Variants in RSRC1 observed in about 807,000 individuals in gnomAD.
The protein encoded by RSRC1 is arginine and serine rich coiled-coil 1.
Under a neutral mutation model 49.1 loss-of-function variants are expected in RSRC1, and 39 were observed. The observed-to-expected ratio is 0.79, with a 90% CI of 0.61 to 1.04. The LOEUF is 1.04. RSRC1 is among the 50% of genes least tolerant of loss of function. RSRC1 has a pLI of 0.00. For missense variants in RSRC1, 388 were observed against 402.4 expected (o/e 0.96, Z 0.31); for synonymous variants, 143 against 130.8 (o/e 1.09, Z -0.63).
intron 6 of RSRC1, among the ~76,000 whole-genome samples, chr3:158,441,143 G>A (rs1346621798): frequency 6.6e-6 from 1 of 152,024 alleles, no homozygotes; most frequent in African/African-American, 2.4e-5. Context: ...CAGTCTGTTG[G>A]AATGTTAACA....
At chr3:158,297,172 C>T (rs1309603728) in intron 4 of RSRC1, among the ~76,000 whole-genome samples, 1 of 151,954 alleles carries the variant, frequency 6.6e-6, no homozygotes, top group Non-Finnish European at 1.5e-5. Context: ...ATGCTTGGTA[C>T]TTACAATGGA....
intron 4 of RSRC1, among the ~76,000 whole-genome samples, chr3:158,220,316 A>G (rs1405050115): frequency 6.6e-6 from 1 of 151,568 alleles, no homozygotes; most frequent in African/African-American, 2.4e-5. Context: ...ATAGTCTGCC[A>G]ATAGTTGACT....
chr3:158,315,184 TTGAA>T (rs1319882885), intron 5 of RSRC1, among the ~76,000 whole-genome samples: 15 of 152,188 alleles, frequency 9.9e-5, no homozygotes, highest in Non-Finnish European at 1.9e-4. Flanking sequence ...TGAAGGCACT[TTGAA>T]TGGATGGTTA....
chr3:158,146,750 A>G (rs1411407441), intron 3 of RSRC1, among the ~76,000 whole-genome samples: 3 of 152,114 alleles, frequency 2.0e-5, no homozygotes, highest in African/African-American at 7.2e-5. Context: ...CTGTGAATCC[A>G]TCTGGTCCTG....
intron 1 of RSRC1, among the ~76,000 whole-genome samples, chr3:158,119,943 G>C (rs902146533): frequency 2.0e-5 from 3 of 147,152 alleles, no homozygotes; most frequent in African/African-American, 7.6e-5. Context: ...CGATTCTCCT[G>C]TCTCAGACTA....
chr3:158,452,460 T>C (rs371960859), intron 6 of RSRC1, among the ~76,000 whole-genome samples: 4 of 152,324 alleles, frequency 2.6e-5, no homozygotes. Context: ...TTTTGATGAC[T>C]AATCCAATAA....
At chr3:158,527,077 C>CTTTTTTTTTTTTTTTTT (rs543523088) in intron 7 of RSRC1, among the ~76,000 whole-genome samples, 1 of 110,180 alleles carries the variant, frequency 9.1e-6, no homozygotes, top group Non-Finnish European at 1.8e-5. Flanking sequence ...AGTTCAAAAT[C>CTTTTTTTTTTTTTTTTT]TTTTTTTTTT....
intron 4 of RSRC1, among the ~76,000 whole-genome samples, chr3:158,247,538 C>T (rs148014963): frequency 5.8e-4 from 89 of 152,152 alleles, no homozygotes; most frequent in African/African-American, 2.0e-3. Flanking sequence ...TATCTACCTT[C>T]GATTTTTGAG....
chr3:158,392,682 GT>G (rs1330167616), intron 6 of RSRC1, among the ~76,000 whole-genome samples: 3 of 151,864 alleles, frequency 2.0e-5, no homozygotes, highest in African/African-American at 4.8e-5. Flanking sequence ...CATAAAACAA[GT>G]TTTTAGAGAT....
intron 3 of RSRC1, among the ~76,000 whole-genome samples, chr3:158,151,740 T>A (rs1717549239): frequency 6.6e-6 from 1 of 152,106 alleles, no homozygotes; most frequent in South Asian, 2.1e-4. Context: ...TGCTACCCTT[T>A]TAGGCATGCA....
At chr3:158,304,691 C>T (rs1317595668) in intron 5 of RSRC1, among the ~76,000 whole-genome samples, 1 of 151,998 alleles carries the variant, frequency 6.6e-6, no homozygotes, top group East Asian at 1.9e-4. Context: ...ATAATAGATA[C>T]CTTTCTCCCA....
chr3:158,173,017 G>A lies in RSRC1; in HGVS notation c.321-30055G>A, dbSNP rs1355481460. Among the ~76,000 whole-genome samples the A allele has an allele frequency of 3.3e-5, 5 of 151,910 alleles. No homozygotes were observed. In the South Asian group the frequency reaches 6.2e-4, roughly 19 times the overall value. ...TAACCTTGTTTCAGTTTTTACAGTC[G>A]ATATGTATCTATCTAATTTATCTAT... On this transcript the variant is annotated intron_variant, in intron 3 of 9. Transcript: ENST00000611884.
At chr3:158,144,646 A>G (rs1466014028) in intron 3 of RSRC1, among the ~76,000 whole-genome samples, 1 of 152,210 alleles carries the variant, frequency 6.6e-6, no homozygotes, top group Admixed American at 6.5e-5. Flanking sequence ...TTGGATATAT[A>G]CCCAGTAATG....
At chr3:158,122,810 A>G (rs752068919) in intron 2 of RSRC1, among the ~76,000 whole-genome samples, 3 of 151,394 alleles carry the variant, frequency 2.0e-5, no homozygotes, top group East Asian at 2.0e-4. Context: ...ATTCCCACCT[A>G]TGAATGAGAA....
chr3:158,504,716 G>A (rs1303880012), intron 7 of RSRC1, among the ~76,000 whole-genome samples: 3 of 152,116 alleles, frequency 2.0e-5, no homozygotes, highest in South Asian at 2.1e-4. Flanking sequence ...AAGCACTTTG[G>A]CAAGTGTATC....
chr3:158,134,263 C>T (rs967788060), intron 3 of RSRC1, among the ~76,000 whole-genome samples: 4 of 152,002 alleles, frequency 2.6e-5, no homozygotes, highest in African/African-American at 9.7e-5. Context: ...TTATTCTTTA[C>T]AGTAGTTTTA....
intron 6 of RSRC1, among the ~76,000 whole-genome samples, chr3:158,355,170 G>A (rs768390907): frequency 1.7e-4 from 26 of 151,674 alleles, no homozygotes; most frequent in Non-Finnish European, 3.1e-4. Context: ...TTTTGATGAA[G>A]CCCAATTGAT....
intron 4 of RSRC1, among the ~76,000 whole-genome samples, chr3:158,239,984 T>C (rs1723476886): frequency 6.6e-6 from 1 of 152,214 alleles, no homozygotes; most frequent in Admixed American, 6.5e-5. Flanking sequence ...GTTTGTACTT[T>C]GATTGGAATT....
At chr3:158,227,233 T>C (rs1722578643) in intron 4 of RSRC1, among the ~76,000 whole-genome samples, 1 of 151,964 alleles carries the variant, frequency 6.6e-6, no homozygotes, top group African/African-American at 2.4e-5. Context: ...ACTTGTGTCC[T>C]AGTCCAAGCT....
Sources: gnomAD v4.1 joint callset for allele counts (sites outside exome capture counted in the v4.1 genomes callset) on GRCh38, gnomAD v4.1.1 for gene constraint, MANE v1.5 for transcripts, NCBI Gene and HGNC (gene_info 2026-07-23, HGNC 2026-07-21) for gene names.